Variants in RNF17 observed in about 807,000 individuals in gnomAD.
The protein encoded by RNF17 is ring finger protein 17, also known as spermatogenesis associated 23.
In RNF17, 31 loss-of-function variants were observed where a neutral mutation model predicts 200.5. The ratio of observed to expected loss-of-function variants is 0.15; its 90% CI spans 0.12 to 0.21. The LOEUF is 0.21. RNF17 is among the 10% of genes least tolerant of loss of function. The pLI, the probability that RNF17 is intolerant of heterozygous loss-of-function variation, is 1.00. For missense variants in RNF17, 1,628 were observed against 1,905.1 expected (o/e 0.85, Z 2.71); for synonymous variants, 606 against 637.8 (o/e 0.95, Z 0.75).
At chr13:24,870,477 C>T (rs1566254546) in intron 31 of RNF17, 94 bp from the exon 32 acceptor site, 3 of 1,050,402 alleles carry the variant, frequency 2.9e-6, no homozygotes, top group Middle Eastern at 3.1e-4. Context: ...CTGGGAGCAT[C>T]GCTGGAGGCT....
intron 18 of RNF17, among the ~76,000 whole-genome samples, chr13:24,839,150 C>T (rs1368565796): frequency 6.6e-6 from 1 of 152,138 alleles, no homozygotes; most frequent in South Asian, 2.1e-4. Context: ...AACTACAAAA[C>T]ACTGCTGAAA....
At chr13:24,749,307 C>CTTTTTTTTTTTTT in the RNF17 span, among the ~76,000 whole-genome samples, 74 of 108,012 alleles carry the variant, frequency 6.9e-4, 5 homozygotes, top group African/African-American at 1.7e-3. Flanking sequence ...TTCTTTCTTT[C>CTTTTTTTTTTTTT]TTTTTTTTTT....
chr13:24,816,652 T>G (rs944699731), intron 15 of RNF17, among the ~76,000 whole-genome samples: 1 of 152,266 alleles, frequency 6.6e-6, no homozygotes, highest in Non-Finnish European at 1.5e-5. Flanking sequence ...TTATTTCATG[T>G]GTTTTGTTTT....
intron 15 of RNF17, among the ~76,000 whole-genome samples, chr13:24,820,014 A>G (rs1325690570): frequency 6.6e-6 from 1 of 151,448 alleles, no homozygotes; most frequent in Non-Finnish European, 1.5e-5. Flanking sequence ...CAAATGTATA[A>G]TTTTCAGTTG....
Position 24,779,660 on chromosome 13 carries a change from T to C in RNF17, c.430-7T>C, listed in dbSNP as rs1194310394. The C allele has an allele frequency of 6.2e-7, 1 of 1,605,010 alleles. No homozygotes were observed. Among genetic ancestry groups the C allele is most frequent in the Non-Finnish European group, 8.5e-7 (1 of 1,172,312 alleles). On this transcript the variant is annotated splice_polypyrimidine_tract_variant and splice_region_variant and intron_variant, in intron 4 of 35. Transcript: ENST00000255324. ...TATATTTGTATGTGATTTCCCTCCCTTCTTAGGACACTAATACTGCAGAAG... is the reference window on the plus strand; with the variant it reads ...TATATTTGTATGTGATTTCCCTCCCCTCTTAGGACACTAATACTGCAGAAG...
At chr13:24,822,769 G>C (rs1888215489) in intron 15 of RNF17, among the ~76,000 whole-genome samples, 1 of 152,114 alleles carries the variant, frequency 6.6e-6, no homozygotes, top group Admixed American at 6.5e-5. Flanking sequence ...AAACCTAAAG[G>C]GTCGTGAATA....
At chr13:24,861,139 A>G (rs1893057020) in intron 26 of RNF17, 129 bp from the exon 27 acceptor site, 1 of 678,872 alleles carries the variant, frequency 1.5e-6, no homozygotes, top group Non-Finnish European at 2.3e-6. Flanking sequence ...TCTGCCTCCC[A>G]GAGTGCTGGG....
At chr13:24,776,990 A>G (rs1881664612) in intron 3 of RNF17, among the ~76,000 whole-genome samples, 1 of 152,256 alleles carries the variant, frequency 6.6e-6, no homozygotes, top group African/African-American at 2.4e-5. Flanking sequence ...CATCCTAACC[A>G]GAAAGTACCC....
At chr13:24,813,923 A>C (rs537711593) in intron 15 of RNF17, among the ~76,000 whole-genome samples, 1 of 148,458 alleles carries the variant, frequency 6.7e-6, no homozygotes, top group South Asian at 2.1e-4. Context: ...CAGCCTCCCA[A>C]AGTGCTGAAA....
At chr13:24,830,274 T>A (rs1889240939) in intron 16 of RNF17, among the ~76,000 whole-genome samples, 1 of 152,190 alleles carries the variant, frequency 6.6e-6, no homozygotes, top group Non-Finnish European at 1.5e-5. Flanking sequence ...CTTTGAATAT[T>A]TAAAGCATAC....
rs73467239 is a variant in RNF17 at position 24,833,216 on chromosome 13, G to A, written c.2482+1238G>A. Among the ~76,000 whole-genome samples, 1,430 of 152,182 alleles carry A rather than the reference G, an allele frequency of 9.4e-3. 35 individuals are homozygous for A. Among genetic ancestry groups the A allele is most frequent in the African/African-American group, 0.032 (1,347 of 41,520 alleles). On this transcript the variant is annotated intron_variant, in intron 18 of 35. Coordinates refer to ENST00000255324, the MANE Select transcript of RNF17 (RefSeq NM_031277.3). ...ACTGTGTCCATGCCTTTCCTTTATC[G>A]TAAGACTATTGGACTATTCACTGTG...
chr13:24,816,153 C>A (rs558093792), intron 15 of RNF17, among the ~76,000 whole-genome samples: 4 of 152,240 alleles, frequency 2.6e-5, no homozygotes, highest in African/African-American at 7.2e-5. Context: ...TTTCACCTTA[C>A]CCTCCCAAAG....
chr13:24,803,547 G>A (rs2137750504), intron 14 of RNF17, among the ~76,000 whole-genome samples: 1 of 152,278 alleles, frequency 6.6e-6, no homozygotes, highest in South Asian at 2.1e-4. Context: ...GCCTTCCAAA[G>A]TGCTGGGATT....
intron 9 of RNF17, among the ~76,000 whole-genome samples, chr13:24,790,824 G>C (rs1006989800): frequency 2.6e-5 from 4 of 152,044 alleles, no homozygotes; most frequent in Non-Finnish European, 5.9e-5. Flanking sequence ...TGGAAGAGCA[G>C]AAGAGCAAAA....
rs949861549 is a variant in RNF17, at chr13:24,852,169, G to C, written c.3320+598G>C. On this transcript the variant is annotated intron_variant, in intron 24 of 35. Coordinates refer to ENST00000255324, the MANE Select transcript of RNF17 (RefSeq NM_031277.3). ...TTTTTTTTTTTCTGAGACGGAGTCT[G>C]GCTCTGTCACCCAGGCTGGAGTGCA... Among the ~76,000 whole-genome samples the C allele has an allele frequency of 8.3e-5, 12 of 144,536 alleles. No individual in the cohort carries two copies. The East Asian group carries it at 1.0e-3, about 12-fold the overall frequency. 94.8% of individuals were successfully genotyped at this position (144,536 alleles called of 152,430 possible).
At chr13:24,857,670 A>G (rs947833706) in intron 25 of RNF17, among the ~76,000 whole-genome samples, 7 of 152,210 alleles carry the variant, frequency 4.6e-5, no homozygotes, top group African/African-American at 1.7e-4. Flanking sequence ...AGGTCAAGGC[A>G]GGAAGATTGC....
chr13:24,812,687 T>TCC (rs1566168476), intron 15 of RNF17, among the ~76,000 whole-genome samples: 422 of 24,702 alleles, frequency 0.017, 22 homozygotes, highest in Non-Finnish European at 0.022. Context: ...CCACCCCCTT[T>TCC]TTTTTTTTTT....
At chr13:24,866,804 CTG>C (rs1249824270) in intron 30 of RNF17, among the ~76,000 whole-genome samples, 1 of 152,152 alleles carries the variant, frequency 6.6e-6, no homozygotes, top group African/African-American at 2.4e-5. Context: ...ATTACTGAGT[CTG>C]TGGTAACTAT....
At chr13:24,861,170 A>T in intron 26 of RNF17, 98 bp from the exon 27 acceptor site, 4 of 1,029,518 alleles carry the variant, frequency 3.9e-6, no homozygotes, top group Non-Finnish European at 5.6e-6. Flanking sequence ...TGAGCCATCA[A>T]GCCCGGCCTG....
Sources: allele counts gnomAD v4.1 joint callset (sites outside exome capture counted in the v4.1 genomes callset), GRCh38; gene constraint gnomAD v4.1.1; transcripts MANE v1.5; gene names NCBI Gene and HGNC (gene_info 2026-07-23, HGNC 2026-07-21).